Variants in IMMP2L observed in about 807,000 individuals in gnomAD.
The protein encoded by IMMP2L is mitochondrial inner membrane protease subunit 2.
In IMMP2L, 18 loss-of-function variants were observed where a neutral mutation model predicts 19.3. The observed-to-expected ratio is 0.93, with a 90% CI of 0.64 to 1.38. The LOEUF is 1.38. Among genes scored for constraint, IMMP2L ranks in the 40% most tolerant of loss-of-function variants. The pLI is 0.00. For missense variants in IMMP2L, 233 were observed against 218.2 expected, an observed-to-expected ratio of 1.07 and a Z score of -0.43; for synonymous variants, 76 against 73.0, an observed-to-expected ratio of 1.04 and a Z score of -0.21.
chr7:110,815,606 T>C (rs1802432382), intron 5 of IMMP2L, among the ~76,000 whole-genome samples: 1 of 152,270 alleles, frequency 6.6e-6, no homozygotes, highest in East Asian at 1.9e-4. Context: ...TGGACTTTTT[T>C]TGGTTGGTAA....
At chr7:110,818,122 T>C (rs1419592203) in intron 5 of IMMP2L, among the ~76,000 whole-genome samples, 1 of 152,086 alleles carries the variant, frequency 6.6e-6, no homozygotes, top group Non-Finnish European at 1.5e-5. Flanking sequence ...TGGGATCTAA[T>C]TAAACTAAAG....
In IMMP2L at chr7:111,434,802, C is replaced by T. The variant is rs1253591285; in HGVS notation, c.239+52436G>A. 4.0e-5 allele frequency among the ~76,000 whole-genome samples: 6 copies of T among 151,836 alleles called. No individual in the cohort carries two copies. In the East Asian group the frequency reaches 1.2e-3, roughly 29 times the overall value. On this transcript the variant is annotated intron_variant, in intron 3 of 5. Coordinates refer to ENST00000405709, the MANE Select transcript of IMMP2L (RefSeq NM_032549.4). ...CTCTTGACCTCCGGTGATCCACCCG[C>T]CTCGGCCTCCCAAAGTGCTGGGATT... is the stretch of plus-strand genomic sequence containing the variant.
chr7:111,327,111 G>A (rs999820452), intron 3 of IMMP2L, among the ~76,000 whole-genome samples: 20 of 151,684 alleles, frequency 1.3e-4, no homozygotes, highest in Admixed American at 6.6e-5. Flanking sequence ...GGAAAACACT[G>A]TGCTACATGA....
chr7:111,442,015 T>C (rs1251931545), intron 3 of IMMP2L, among the ~76,000 whole-genome samples: 2 of 151,696 alleles, frequency 1.3e-5, no homozygotes, highest in Admixed American at 1.3e-4. Flanking sequence ...TGCGTGCCTG[T>C]TATCCCAGCT....
intron 3 of IMMP2L, among the ~76,000 whole-genome samples, chr7:111,055,765 A>T (rs1022686010): frequency 6.6e-6 from 1 of 152,198 alleles, no homozygotes; most frequent in Non-Finnish European, 1.5e-5. Flanking sequence ...CAGGAGAAGG[A>T]GCAGAATTAC....
intron 5 of IMMP2L, among the ~76,000 whole-genome samples, chr7:110,882,342 C>T (rs60752111): frequency 0.017 from 1,764 of 105,912 alleles, 26 homozygotes; most frequent in African/African-American, 0.071. Context: ...CCTTCCTTCC[C>T]TCCTTCCTCT....
At position 111,540,581 on chromosome 7, in the gene IMMP2L, A is replaced by C. The variant is rs1170293645; in HGVS notation, c.-2-19132T>G. ...CCACAAGGCCCTCTTCCACTTCCAA[A>C]CTCCTCTGGCATTCACTAGCCACAC... On this transcript the variant is annotated intron_variant, in intron 1 of 5. Coordinates refer to ENST00000405709, the MANE Select transcript of IMMP2L (RefSeq NM_032549.4). 2.0e-5 allele frequency among the ~76,000 whole-genome samples: 3 copies of C among 151,686 alleles called. 1 individual carries two copies. Among genetic ancestry groups the C allele is most frequent in the Non-Finnish European group, 4.4e-5 (3 of 67,932 alleles).
chr7:111,080,047 T>C (rs1795764945), intron 3 of IMMP2L, among the ~76,000 whole-genome samples: 1 of 152,116 alleles, frequency 6.6e-6, no homozygotes, highest in South Asian at 2.1e-4. Context: ...CTTTATAAAT[T>C]ACCCAGTCTA....
chr7:111,311,717 C>G (rs557464958), intron 3 of IMMP2L, among the ~76,000 whole-genome samples: 1 of 152,088 alleles, frequency 6.6e-6, no homozygotes, highest in African/African-American at 2.4e-5. Flanking sequence ...TTTCTGCTCA[C>G]GACATCAATT....
At chr7:111,424,148 G>A (rs928690928) in intron 3 of IMMP2L, among the ~76,000 whole-genome samples, 2 of 151,794 alleles carry the variant, frequency 1.3e-5, no homozygotes, top group Non-Finnish European at 2.9e-5. Context: ...ATTCTGATTC[G>A]TTAGAGGTTA....
intron 4 of IMMP2L, among the ~76,000 whole-genome samples, chr7:110,943,384 T>C (rs907378063): frequency 5.9e-5 from 9 of 152,028 alleles, no homozygotes; most frequent in Non-Finnish European, 1.2e-4. Flanking sequence ...TAGTAGAGTG[T>C]ATCCTTGTTC....
At chr7:110,964,968 C>T (rs1049191684) in intron 3 of IMMP2L, among the ~76,000 whole-genome samples, 5 of 151,994 alleles carry the variant, frequency 3.3e-5, no homozygotes, top group Non-Finnish European at 5.9e-5. Context: ...AGTTTGACTG[C>T]AAATTCGTGA....
At chr7:111,505,496 A>C (rs926136209) in intron 2 of IMMP2L, among the ~76,000 whole-genome samples, 2 of 152,158 alleles carry the variant, frequency 1.3e-5, no homozygotes, top group Non-Finnish European at 2.9e-5. Flanking sequence ...AGGATTGTAA[A>C]TCATGCTGCT....
In IMMP2L at chr7:111,562,198, C is replaced by T. The variant is rs1792159920; in HGVS notation, c.-350G>A. On this transcript the variant is annotated 5_prime_UTR_variant, in exon 1 of 6. In the 5' UTR this introduces an upstream ATG that the reference lacks. Transcript: ENST00000405709. The stretch of plus-strand genomic sequence containing the variant: ...TTCTCAACCTAGTTAGCCAGTGGCA[C>T]CAAGAAGAGGACTAGGCTGGGGTGG... 1.3e-5 allele frequency: 2 copies of T among 152,282 alleles called. No homozygotes were observed. Among genetic ancestry groups the T allele is most frequent in the African/African-American group, 4.8e-5 (2 of 41,456 alleles). 9.4% of individuals were successfully genotyped at this position (152,282 alleles called of 1,614,324 possible).
At chr7:111,017,184 C>A (rs1825793861) in intron 3 of IMMP2L, among the ~76,000 whole-genome samples, 1 of 150,636 alleles carries the variant, frequency 6.6e-6, no homozygotes, top group Non-Finnish European at 1.5e-5. Context: ...CCTCCTGCCT[C>A]AGCTGCCTGA....
At chr7:110,825,851 C>G (rs1412242549) in intron 5 of IMMP2L, among the ~76,000 whole-genome samples, 1 of 152,140 alleles carries the variant, frequency 6.6e-6, no homozygotes, top group Non-Finnish European at 1.5e-5. Context: ...TCTAATTAAA[C>G]TAAAGAGCTT....
At chr7:111,035,837 A>G (rs1395784816) in intron 3 of IMMP2L, among the ~76,000 whole-genome samples, 3 of 152,152 alleles carry the variant, frequency 2.0e-5, no homozygotes, top group Non-Finnish European at 4.4e-5. Context: ...ATCATCTGAT[A>G]TGGACTGGCC....
rs1337469962 is a variant in IMMP2L, at chr7:111,261,433, TA to T, written c.239+225804del. Among the ~76,000 whole-genome samples the T allele has an allele frequency of 1.2e-4, 18 of 152,246 alleles. 1 individual carries two copies. The East Asian group carries it at 3.5e-3, about 29-fold the overall frequency. On this transcript the variant is annotated intron_variant, in intron 3 of 5. Coordinates refer to ENST00000405709, the MANE Select transcript of IMMP2L (RefSeq NM_032549.4). ...GTATGACCAAGTCAGAAATATTTTTTAAAAAGCTATTACCAGTCTAAATTCC... is the reference window on the plus strand; with the variant it reads ...GTATGACCAAGTCAGAAATATTTTTTAAAAGCTATTACCAGTCTAAATTCC...
intron 3 of IMMP2L, among the ~76,000 whole-genome samples, chr7:111,162,191 A>G (rs2129607072): frequency 6.6e-6 from 1 of 152,208 alleles, no homozygotes; most frequent in Non-Finnish European, 1.5e-5. Context: ...TATGTTGTTA[A>G]AAATTATGTC....
Sources: allele counts gnomAD v4.1 joint callset (sites outside exome capture counted in the v4.1 genomes callset), GRCh38; gene constraint gnomAD v4.1.1; transcripts MANE v1.5; gene names NCBI Gene and HGNC (gene_info 2026-07-23, HGNC 2026-07-21).